C1QTNF7: variants seen among roughly 807,000 people sequenced by gnomAD.
C1QTNF7 encodes complement C1q tumor necrosis factor-related protein 7.
A neutral mutation model predicts 19.6 loss-of-function variants in C1QTNF7; 15 were observed. The observed-to-expected ratio is 0.76, with a 90% CI of 0.51 to 1.18. C1QTNF7 has a LOEUF of 1.18. Ranked by LOEUF, C1QTNF7 falls within the 50% of genes most tolerant of loss-of-function variation. C1QTNF7 has a pLI of 0.00. For synonymous variants in C1QTNF7, 142 were observed against 137.5 expected (o/e 1.03, Z -0.23); for missense variants, 324 against 359.7 (o/e 0.90, Z 0.80).
chr4:15,442,336 C>T lies in C1QTNF7; in HGVS notation c.407C>T (p.Pro136Leu). 1.2e-6 allele frequency: 2 copies of T among 1,614,116 alleles called. No individual in the cohort carries two copies. Among genetic ancestry groups the T allele is most frequent in the Non-Finnish European group, 1.7e-6 (2 of 1,180,024 alleles). The change falls in exon 3 of 3, where the codon CCT becomes CTT. Residue 136 changes from proline to leucine, a missense_variant. By Grantham distance (98) the Pro-to-Leu change is moderately conservative. Transcript: ENST00000444304. ...DRGEQGDPGL[P>L]GVCRCGSIVL... Reference sequence around the variant, plus strand: ...GGAGAACAAGGGGACCCGGGGCTGCCTGGAGTTTGCAGATGTGGAAGCATC... The same window carrying T: ...GGAGAACAAGGGGACCCGGGGCTGCTTGGAGTTTGCAGATGTGGAAGCATC...
At chr4:15,438,658 C>A (rs1213571208) in intron 2 of C1QTNF7, among the ~76,000 whole-genome samples, 1 of 152,168 alleles carries the variant, frequency 6.6e-6, no homozygotes, top group Admixed American at 6.5e-5. Context: ...GGGTACATAT[C>A]CATATAAAAA....
intron 2 of C1QTNF7, among the ~76,000 whole-genome samples, chr4:15,437,082 T>C (rs1712566908): frequency 6.6e-6 from 1 of 152,182 alleles, no homozygotes; most frequent in African/African-American, 2.4e-5. Context: ...TTTAAAGACA[T>C]CCATAGGGTA....
chr4:15,348,185 A>T (rs988366009), intron 1 of C1QTNF7, among the ~76,000 whole-genome samples: 2 of 152,174 alleles, frequency 1.3e-5, no homozygotes, highest in Admixed American at 1.3e-4. Context: ...GTGGGGGATT[A>T]AAAAGAAAAG....
At chr4:15,361,922 T>C (rs892806540) in intron 1 of C1QTNF7, among the ~76,000 whole-genome samples, 3 of 151,612 alleles carry the variant, frequency 2.0e-5, no homozygotes, top group African/African-American at 7.3e-5. Context: ...AGAAGCTGAG[T>C]TCTCAAAATC....
At position 15,445,477 on chromosome 4, in the gene C1QTNF7, C is replaced by A. The variant is rs1350402952; in HGVS notation, c.*2678C>A. The stretch of plus-strand genomic sequence containing the variant: ...TATCTTTTAAATGTTTCTTTTATTA[C>A]AAAGCCTATTTTGAGTAGCTTTTAA... On this transcript the variant is annotated 3_prime_UTR_variant, in exon 3 of 3. Coordinates refer to ENST00000444304, the MANE Select transcript of C1QTNF7 (RefSeq NM_031911.5). The A allele has an allele frequency of 2.0e-5, 3 of 152,202 alleles. No individual in the cohort carries two copies. The highest frequency in any genetic ancestry group is 3.8e-4 in the East Asian group (2 of 5,204). 9.4% of individuals were successfully genotyped at this position (152,202 alleles called of 1,614,324 possible). A position where few individuals can be genotyped will look rare whatever the true frequency, so the allele number is the denominator to read the frequency against.
intron 1 of C1QTNF7, among the ~76,000 whole-genome samples, chr4:15,418,344 C>T (rs917854777): frequency 6.6e-6 from 1 of 152,190 alleles, no homozygotes; most frequent in Non-Finnish European, 1.5e-5. Flanking sequence ...AAAAGCCAAC[C>T]TCTTCAGGCC....
At chr4:15,375,479 C>A (rs1717904496) in intron 1 of C1QTNF7, among the ~76,000 whole-genome samples, 1 of 152,150 alleles carries the variant, frequency 6.6e-6, no homozygotes, top group Non-Finnish European at 1.5e-5. Flanking sequence ...TGCATAATTT[C>A]ATAAATGATG....
At chr4:15,354,873 C>G (rs1336589665) in intron 1 of C1QTNF7, among the ~76,000 whole-genome samples, 3 of 152,050 alleles carry the variant, frequency 2.0e-5, no homozygotes, top group Non-Finnish European at 4.4e-5. Context: ...TGACCTTGGC[C>G]AATACTTTAA....
intron 1 of C1QTNF7, among the ~76,000 whole-genome samples, chr4:15,431,819 A>G (rs1274017557): frequency 2.0e-5 from 3 of 152,214 alleles, no homozygotes; most frequent in Non-Finnish European, 2.9e-5. Flanking sequence ...CTTACATTCT[A>G]TCAGGAAAAA....
rs115849701 is a variant in C1QTNF7, at chr4:15,360,227, C to G, written c.13+20020C>G. Among the ~76,000 whole-genome samples, 222 of 152,028 alleles carry G rather than the reference C, an allele frequency of 1.5e-3. 1 individual carries two copies. The highest frequency in any genetic ancestry group is 2.8e-3 in the Non-Finnish European group (188 of 67,984). On this transcript the variant is annotated intron_variant, in intron 1 of 2. Coordinates refer to the C1QTNF7 transcript ENST00000295297. ...GAGTTGGGTTCTATGGGTAAACTAA[C>G]CCATCGATCTTTTAAAAATACATAC...
intron 1 of C1QTNF7, among the ~76,000 whole-genome samples, chr4:15,406,035 T>G (rs1455111875): frequency 6.6e-6 from 1 of 152,202 alleles, no homozygotes; most frequent in African/African-American, 2.4e-5. Flanking sequence ...ACCCACTCCT[T>G]AAACCTAAAC....
intron 1 of C1QTNF7, among the ~76,000 whole-genome samples, chr4:15,371,948 C>G (rs1717751285): frequency 1.3e-5 from 2 of 152,116 alleles, no homozygotes; most frequent in African/African-American, 4.8e-5. Context: ...AGGAAAGGGT[C>G]ACAGCTCAGA....
intron 1 of C1QTNF7, among the ~76,000 whole-genome samples, chr4:15,375,687 G>C (rs887102817): frequency 1.3e-5 from 2 of 152,078 alleles, no homozygotes. Flanking sequence ...TATGTCCCGA[G>C]TCCTCACACT....
At chr4:15,344,772 G>T (rs1577224935) in intron 1 of C1QTNF7, among the ~76,000 whole-genome samples, 1 of 152,200 alleles carries the variant, frequency 6.6e-6, no homozygotes, top group Non-Finnish European at 1.5e-5. Flanking sequence ...CATAATAATA[G>T]TATTGGCACA....
Position 15,383,768 on chromosome 4 carries a change from T to A in C1QTNF7, c.13+43561T>A, listed in dbSNP as rs147044127. On this transcript the variant is annotated intron_variant, in intron 1 of 2. Transcript: ENST00000295297. ...TTTGGAAAGGGCTGATTTGCTTTCT[T>A]CACCCCTTGCTAGTCTTGAAACATG... Among the ~76,000 whole-genome samples the A allele has an allele frequency of 5.4e-3, 821 of 152,364 alleles. 9 individuals carry two copies. Among genetic ancestry groups the A allele is most frequent in the African/African-American group, 0.019 (792 of 41,590 alleles).
chr4:15,365,488 C>T (rs143825892), intron 1 of C1QTNF7, among the ~76,000 whole-genome samples: 3 of 152,234 alleles, frequency 2.0e-5, no homozygotes, highest in Admixed American at 2.0e-4. Context: ...AACTTAGACC[C>T]GTCTCTCGGG....
intron 1 of C1QTNF7, among the ~76,000 whole-genome samples, chr4:15,388,373 G>A (rs1718420456): frequency 6.6e-6 from 1 of 152,192 alleles, no homozygotes; most frequent in South Asian, 2.1e-4. Context: ...AGCCAGAATG[G>A]TGGATTAGCC....
chr4:15,426,097 T>TTGGAA (rs1712035055), upstream of C1QTNF7, among the ~76,000 whole-genome samples: 3 of 151,926 alleles, frequency 2.0e-5, no homozygotes, highest in Admixed American at 1.3e-4. Flanking sequence ...ACTGATGGGA[T>TTGGAA]TGGAATGGAA....
At chr4:15,435,449 T>C (rs1239902384) in intron 1 of C1QTNF7, among the ~76,000 whole-genome samples, 1 of 152,230 alleles carries the variant, frequency 6.6e-6, no homozygotes, top group Non-Finnish European at 1.5e-5. Flanking sequence ...TTTAAATCCA[T>C]CATTGATTTC....
Sources: gnomAD v4.1 joint callset for allele counts (sites outside exome capture counted in the v4.1 genomes callset) on GRCh38, gnomAD v4.1.1 for gene constraint, MANE v1.5 for transcripts, NCBI Gene and HGNC (gene_info 2026-07-23, HGNC 2026-07-21) for gene names.